DNAH11: variants seen among roughly 807,000 people sequenced by gnomAD.
DNAH11 encodes the protein axonemal beta dynein heavy chain 11.
In DNAH11, 442 loss-of-function variants were observed where a neutral mutation model predicts 526.0. That is an observed-to-expected ratio of 0.84 (90% CI 0.78 to 0.91). The LOEUF (loss-of-function observed/expected upper bound fraction) is 0.91. DNAH11 is among the 40% of genes least tolerant of loss of function. The probability of loss-of-function intolerance (pLI) is 0.00; values close to 1 mark genes in which losing one functional copy is unlikely to be tolerated. For missense variants in DNAH11, 6,989 were observed against 5,448.7 expected (o/e 1.28, Z -8.90); for synonymous variants, 2,461 against 1,935.9 (o/e 1.27, Z -7.12).
chr7:21,564,520 G>A, intron 6 of DNAH11, 123 bp downstream of exon 6: 1 of 671,530 alleles, frequency 1.5e-6, no homozygotes, highest in Non-Finnish European at 2.3e-6. Context: ...TTTTCAGAAA[G>A]GACATTTTTG....
At chr7:21,598,351 T>C (rs933287278) in intron 14 of DNAH11, among the ~76,000 whole-genome samples, 2 of 152,160 alleles carry the variant, frequency 1.3e-5, no homozygotes, top group Non-Finnish European at 1.5e-5. Flanking sequence ...TTGAAACCTG[T>C]GTCTCTAGGC....
At chr7:21,791,791 C>A (rs17145460) in intron 61 of DNAH11, among the ~76,000 whole-genome samples, 20,143 of 152,046 alleles carry the variant, frequency 0.13, 1,985 homozygotes, top group East Asian at 0.29. Context: ...GTAAGTGTGC[C>A]GCAGTCATGA....
At chr7:21,703,958 G>A (rs888975919) in intron 37 of DNAH11, among the ~76,000 whole-genome samples, 2 of 152,058 alleles carry the variant, frequency 1.3e-5, no homozygotes, top group African/African-American at 4.8e-5. Context: ...AACTCCTGCT[G>A]TAGAAGTTAT....
chr7:21,820,163 T>C (rs950312874), intron 65 of DNAH11, among the ~76,000 whole-genome samples: 2 of 152,170 alleles, frequency 1.3e-5, no homozygotes, highest in African/African-American at 2.4e-5. Flanking sequence ...AGTCCTTATA[T>C]ATCCTGTCAG....
In DNAH11 at chr7:21,856,013, T is replaced by A. The variant is rs147803381; in HGVS notation, c.11202+1558T>A. Among the ~76,000 whole-genome samples the A allele has an allele frequency of 3.8e-3, 574 of 152,066 alleles. 3 individuals carry two copies. Among genetic ancestry groups the A allele is most frequent in the Non-Finnish European group, 4.5e-3 (303 of 67,994 alleles). On this transcript the variant is annotated intron_variant, in intron 68 of 81. Transcript: ENST00000409508. The stretch of plus-strand genomic sequence containing the variant: ...AAGTAGGACTTAGCTATGTAAAGAG[T>A]GTTTGGAGAAAACAGGAATGTGTGA...
intron 22 of DNAH11, among the ~76,000 whole-genome samples, chr7:21,616,825 C>T (rs779288650): frequency 2.0e-5 from 3 of 152,170 alleles, no homozygotes; most frequent in Admixed American, 2.0e-4. Flanking sequence ...GTCTATTCTG[C>T]ATAGCCGTAT....
chr7:21,890,532 A>G (rs941163011), intron 76 of DNAH11, among the ~76,000 whole-genome samples: 1 of 152,168 alleles, frequency 6.6e-6, no homozygotes, highest in Non-Finnish European at 1.5e-5. Flanking sequence ...ATTTCTTTCA[A>G]TTTCCTAGTA....
At chr7:21,812,091 A>G (rs1016545133) in intron 63 of DNAH11, among the ~76,000 whole-genome samples, 1 of 152,168 alleles carries the variant, frequency 6.6e-6, no homozygotes, top group African/African-American at 2.4e-5. Flanking sequence ...GAAAGGAAAT[A>G]CAGTGCTTTA....
At chr7:21,710,513 A>G (rs1156711467) in intron 40 of DNAH11, 40 bp from the exon 41 acceptor site, 3 of 1,517,232 alleles carry the variant, frequency 2.0e-6, no homozygotes, top group Non-Finnish European at 2.7e-6. Context: ...ATATCAATCT[A>G]TCGTAGAAAT....
rs1420034908 is a variant in DNAH11, at chr7:21,789,270, A to G, written c.9954A>G (p.Gln3318=). The part of the protein sequence containing the change: ...EVYCDVEPKR[Q]ALAQANLELA... ...ACTGTGATGTGGAGCCAAAACGCCA[A>G]GCATTAGCCCAAGCAAACTTAGAAC... The change falls in exon 61 of 82, where the codon CAA becomes CAG. Residue 3318 remains glutamine (Q), a synonymous_variant. Transcript: ENST00000409508. 1 of 1,576,482 alleles carries G rather than the reference A, an allele frequency of 6.3e-7. No homozygotes were observed.
rs575545518 is a variant in DNAH11 at position 21,840,644 on chromosome 7, C to G, written c.10692-1900C>G. Among the ~76,000 whole-genome samples the G allele has an allele frequency of 2.6e-5, 4 of 152,172 alleles. No individual in the cohort carries two copies. In the South Asian group the frequency reaches 8.3e-4, roughly 32 times the overall value. On this transcript the variant is annotated intron_variant, in intron 65 of 81. Transcript: ENST00000409508. ...CTAGATCCTCATAGCAGGTTCCTAG[C>G]AGGAAAGAGACCATGAAGCTTGTAT...
intron 42 of DNAH11, among the ~76,000 whole-genome samples, chr7:21,715,836 T>C (rs982519395): frequency 6.7e-6 from 1 of 148,890 alleles, no homozygotes; most frequent in Non-Finnish European, 1.5e-5. Flanking sequence ...TGATCCCTAG[T>C]AGAGGTAATT....
At position 21,842,567 on chromosome 7, in the gene DNAH11, A is replaced by C. The variant is rs760008915; in HGVS notation, c.10715A>C (p.Glu3572Ala). The change falls in exon 66 of 82, where the codon GAA becomes GCA. Residue 3572 changes from glutamate to alanine, a missense_variant. Glu to Ala is a moderately radical substitution (Grantham distance 107). Coordinates refer to ENST00000409508, the MANE Select transcript of DNAH11 (RefSeq NM_001277115.2). ...KGKYIRIGDKECEFNKNFRLI... is the reference protein window; with the variant it reads ...KGKYIRIGDKACEFNKNFRLI... ...AGGTATATCAGGATTGGAGATAAAG[A>C]ATGTGAATTTAACAAGAACTTTCGC... 18 of 1,613,800 alleles carry C rather than the reference A, an allele frequency of 1.1e-5. No individual in the cohort carries two copies. In the Admixed American group the frequency reaches 1.7e-4, roughly 15 times the overall value.
chr7:21,581,235 C>T (rs753936969), intron 8 of DNAH11, among the ~76,000 whole-genome samples: 1 of 152,174 alleles, frequency 6.6e-6, no homozygotes, highest in Non-Finnish European at 1.5e-5. Context: ...ACTGGAGACT[C>T]AACTCTGATG....
At chr7:21,854,798 C>T (rs941874350) in intron 68 of DNAH11, among the ~76,000 whole-genome samples, 1 of 152,128 alleles carries the variant, frequency 6.6e-6, no homozygotes, top group South Asian at 2.1e-4. Flanking sequence ...CCTCCTTGGC[C>T]TCCCAGAGTG....
chr7:21,815,561 A>G (rs1413101503), intron 63 of DNAH11, among the ~76,000 whole-genome samples: 1 of 152,086 alleles, frequency 6.6e-6, no homozygotes, highest in Non-Finnish European at 1.5e-5. Context: ...AGCCTCCCCT[A>G]CCTACTACAG....
Position 21,635,913 on chromosome 7 carries a change from T to C in DNAH11, c.4543T>C (p.Phe1515Leu). The C allele has an allele frequency of 6.2e-7, 1 of 1,613,190 alleles. No homozygotes were observed. The highest frequency in any genetic ancestry group is 1.1e-5 in the South Asian group (1 of 90,820). ...TCTTCAAAGCAAGTATGTAGAATAT[T>C]TCATTGAGCAAGTGTTAAGCTGGCA... ...TLLQSKYVEY[F>L]IEQVLSWQNK... is the part of the protein sequence containing the mutation. The change falls in exon 26 of 82, where the codon TTC becomes CTC. Residue 1515 changes from phenylalanine to leucine, a missense_variant. Coordinates refer to ENST00000409508, the MANE Select transcript of DNAH11 (RefSeq NM_001277115.2).
chr7:21,612,326 T>C (rs892557663), intron 20 of DNAH11, among the ~76,000 whole-genome samples: 6 of 151,588 alleles, frequency 4.0e-5, no homozygotes, highest in South Asian at 2.1e-4. Flanking sequence ...GAGGCCGAGG[T>C]GGGCAGATCA....
chr7:21,864,306 G>A (rs535053367), intron 69 of DNAH11, among the ~76,000 whole-genome samples: 1 of 152,246 alleles, frequency 6.6e-6, no homozygotes, highest in Non-Finnish European at 1.5e-5. Context: ...TGTTAGAATT[G>A]GAATAAATCA....
Sources: allele counts gnomAD v4.1 joint callset (sites outside exome capture counted in the v4.1 genomes callset), GRCh38; gene constraint gnomAD v4.1.1; transcripts MANE v1.5; gene names NCBI Gene and HGNC (gene_info 2026-07-23, HGNC 2026-07-21).